The following THSD4 variants were observed in gnomAD, a reference collection of about 807,000 sequenced individuals.
THSD4 encodes the protein thrombospondin type-1 domain-containing protein 4.
Under a neutral mutation model 119.0 loss-of-function variants are expected in THSD4, and 69 were observed. The observed-to-expected ratio is 0.58, with a 90% CI of 0.48 to 0.71. The LOEUF (loss-of-function observed/expected upper bound fraction) is 0.71. THSD4 is among the 30% of genes least tolerant of loss of function. THSD4 has a pLI of 0.00. For missense variants in THSD4, 1,393 were observed against 1,391.1 expected, an observed-to-expected ratio of 1.00 and a Z score of -0.02; for synonymous variants, 524 against 540.4, an observed-to-expected ratio of 0.97 and a Z score of 0.42.
intron 7 of THSD4, among the ~76,000 whole-genome samples, chr15:71,427,402 A>C (rs1327405948): frequency 6.6e-6 from 1 of 152,022 alleles, no homozygotes; most frequent in Non-Finnish European, 1.5e-5. Context: ...GATGCATTCA[A>C]CAAATATTAT....
chr15:71,407,759 C>T (rs1418624826), intron 6 of THSD4, among the ~76,000 whole-genome samples: 1 of 152,122 alleles, frequency 6.6e-6, no homozygotes, highest in Non-Finnish European at 1.5e-5. Context: ...GCTTCCAAGT[C>T]GGCTCACTGA....
chr15:71,334,855 T>C (rs60468917), intron 6 of THSD4, among the ~76,000 whole-genome samples: 348 of 152,342 alleles, frequency 2.3e-3, no homozygotes, highest in African/African-American at 7.9e-3. Flanking sequence ...TCATGGAGGT[T>C]GTGCTGTCTA....
chr15:71,377,735 T>A (rs192176210), intron 6 of THSD4, among the ~76,000 whole-genome samples: 2 of 152,190 alleles, frequency 1.3e-5, no homozygotes, highest in East Asian at 3.9e-4. Context: ...AGGGAAACTC[T>A]TTTGCTGACA....
chr15:71,662,655 T>TA (rs753738296), intron 8 of THSD4, among the ~76,000 whole-genome samples: 1 of 152,112 alleles, frequency 6.6e-6, no homozygotes, highest in Admixed American at 6.5e-5. Context: ...GCCCCCTGAA[T>TA]AAAAAATAGA....
At chr15:71,139,324 A>G (rs529103906) in intron 1 of THSD4, among the ~76,000 whole-genome samples, 2 of 152,274 alleles carry the variant, frequency 1.3e-5, no homozygotes, top group African/African-American at 4.8e-5. Flanking sequence ...CCTACCACCT[A>G]TTGAGTAAAT....
chr15:71,504,208 GGGCT>G (rs1235794208), intron 7 of THSD4, among the ~76,000 whole-genome samples: 1 of 152,152 alleles, frequency 6.6e-6, no homozygotes, highest in Non-Finnish European at 1.5e-5. Flanking sequence ...GATGACTTGA[GGGCT>G]GGGACTCCAA....
chr15:71,250,596 G>A (rs1030910450), intron 5 of THSD4, among the ~76,000 whole-genome samples: 3 of 152,116 alleles, frequency 2.0e-5, no homozygotes, highest in African/African-American at 2.4e-5. Context: ...GGGATCACAG[G>A]CATGGGTCCA....
intron 3 of THSD4, among the ~76,000 whole-genome samples, chr15:71,171,474 C>T (rs2043362607): frequency 6.6e-6 from 1 of 152,076 alleles, no homozygotes; most frequent in African/African-American, 2.4e-5. Flanking sequence ...CATTTTCAGA[C>T]ATACAAATGC....
intron 7 of THSD4, among the ~76,000 whole-genome samples, chr15:71,446,401 C>G (rs12912538): frequency 0.28 from 42,141 of 152,066 alleles, 6,450 homozygotes; most frequent in Admixed American, 0.36. Flanking sequence ...TCCAGTAATT[C>G]CTCCACGGTC....
At chr15:71,320,879 A>G (rs953430420) in intron 6 of THSD4, among the ~76,000 whole-genome samples, 20 of 152,170 alleles carry the variant, frequency 1.3e-4, no homozygotes, top group African/African-American at 4.6e-4. Context: ...CTAGTCTTCA[A>G]TTGTGTCTAG....
chr15:71,555,922 CA>C (rs1316213163), intron 7 of THSD4, among the ~76,000 whole-genome samples: 2 of 152,138 alleles, frequency 1.3e-5, no homozygotes, highest in Admixed American at 1.3e-4. Flanking sequence ...TCCCTTTCAA[CA>C]AATTTCCAGG....
intron 2 of THSD4, among the ~76,000 whole-genome samples, chr15:71,149,403 G>A (rs1407354051): frequency 2.0e-5 from 3 of 151,878 alleles, no homozygotes; most frequent in African/African-American, 2.4e-5. Flanking sequence ...ACACCACCAC[G>A]CCCAGCTAAT....
intron 7 of THSD4, among the ~76,000 whole-genome samples, chr15:71,433,511 T>G (rs989653317): frequency 6.6e-6 from 1 of 151,708 alleles, no homozygotes; most frequent in African/African-American, 2.4e-5. Flanking sequence ...CAGTCTATCC[T>G]TGTACTAGCC....
chr15:71,236,429 G>T (rs1439844193), intron 4 of THSD4, among the ~76,000 whole-genome samples: 1 of 152,234 alleles, frequency 6.6e-6, no homozygotes, highest in Non-Finnish European at 1.5e-5. Context: ...CTGAGGACCT[G>T]TCTCTTCTCT....
In THSD4 at chr15:71,635,061, A is replaced by G. The variant is rs142964568; in HGVS notation, c.1153-25469A>G. The stretch of plus-strand genomic sequence containing the variant: ...CTCCTGCTCACAAACATTTGATGCT[A>G]TTTAAAGCCTCTTCTCAGCAAATAT... On this transcript the variant is annotated intron_variant, in intron 7 of 17. Transcript: ENST00000261862. 1.2e-3 allele frequency among the ~76,000 whole-genome samples: 181 copies of G among 152,278 alleles called. 2 individuals carry two copies. The highest frequency in any genetic ancestry group is 0.01 in the Middle Eastern group (3 of 294).
chr15:71,140,763 G>A (rs601994), intron 1 of THSD4, among the ~76,000 whole-genome samples: 40,989 of 151,700 alleles, frequency 0.27, 8,218 homozygotes, highest in African/African-American at 0.56. Context: ...AGTAGTTTTT[G>A]GTATATTCGC....
At chr15:71,683,331 G>A (rs1346194775) in intron 8 of THSD4, among the ~76,000 whole-genome samples, 6 of 152,096 alleles carry the variant, frequency 3.9e-5, no homozygotes, top group African/African-American at 7.2e-5. Context: ...GTGTTTGCAC[G>A]CAATTATGTT....
intron 7 of THSD4, among the ~76,000 whole-genome samples, chr15:71,561,627 C>T (rs965576541): frequency 1.3e-5 from 2 of 152,008 alleles, no homozygotes; most frequent in African/African-American, 4.8e-5. Flanking sequence ...AGTGTAGCTC[C>T]AAATTCCTTA....
intron 6 of THSD4, among the ~76,000 whole-genome samples, chr15:71,398,149 G>T (rs537477717): frequency 3.4e-4 from 52 of 152,290 alleles, no homozygotes; most frequent in African/African-American, 1.2e-3. Flanking sequence ...GACAGAGGAA[G>T]CTTCCAGAAG....
Sources: allele counts gnomAD v4.1 joint callset (sites outside exome capture counted in the v4.1 genomes callset), GRCh38; gene constraint gnomAD v4.1.1; transcripts MANE v1.5; gene names NCBI Gene and HGNC (gene_info 2026-07-23, HGNC 2026-07-21).